TMEM268: variants seen among roughly 807,000 people sequenced by gnomAD.
TMEM268 encodes the protein transmembrane protein C9orf91.
Under a neutral mutation model 39.1 loss-of-function variants are expected in TMEM268, and 24 were observed. The ratio of observed to expected loss-of-function variants is 0.61; its 90% confidence interval spans 0.44 to 0.86. TMEM268 has a LOEUF of 0.86. Among genes scored for constraint, TMEM268 ranks in the 40% least tolerant of loss-of-function variants. The pLI, the probability that TMEM268 is intolerant of heterozygous loss-of-function variation, is 0.00. For synonymous variants in TMEM268, 176 were observed against 173.5 expected (o/e 1.01, Z -0.12); for missense variants, 409 against 428.6 (o/e 0.95, Z 0.40).
chr9:114,613,155 G>A (rs1845570858), intron 1 of TMEM268, among the ~76,000 whole-genome samples: 1 of 152,194 alleles, frequency 6.6e-6, no homozygotes, highest in African/African-American at 2.4e-5. Context: ...GTTACTTTTA[G>A]CTATTACAGG....
intron 8 of TMEM268, among the ~76,000 whole-genome samples, chr9:114,642,603 G>A (rs917598681): frequency 6.6e-6 from 1 of 151,804 alleles, no homozygotes. Context: ...TTTGTGGCTG[G>A]CTAGGTTTAC....
Position 114,644,757 on chromosome 9 carries a change from G to C in TMEM268, c.*1444G>C, listed in dbSNP as rs554389302. ...TTTGGCAAGTTGCTTTCTTTGCCTG[G>C]TCCTCAGTTTGCCCATCAATATAAT... On this transcript the variant is annotated 3_prime_UTR_variant, in exon 9 of 9. Coordinates refer to ENST00000288502, the MANE Select transcript of TMEM268 (RefSeq NM_153045.4). 2 of 151,974 alleles carry C rather than the reference G, an allele frequency of 1.3e-5. No homozygotes were observed. The highest frequency in any genetic ancestry group is 4.2e-4 in the South Asian group (2 of 4,810). The allele number at this position is 151,974 out of a possible 1,614,324, so 9.4% of individuals were successfully genotyped here.
chr9:114,631,123 A>G (rs1025913028), intron 5 of TMEM268, among the ~76,000 whole-genome samples: 3 of 151,962 alleles, frequency 2.0e-5, no homozygotes, highest in Admixed American at 6.6e-5. Context: ...AGACCAGGCT[A>G]GGCAACATTG....
intron 5 of TMEM268, among the ~76,000 whole-genome samples, chr9:114,628,605 AC>A (rs1846261755): frequency 6.6e-6 from 1 of 152,016 alleles, no homozygotes; most frequent in Non-Finnish European, 1.5e-5. Flanking sequence ...TACTGAACCC[AC>A]CCTGCAGCAC....
chr9:114,640,142 G>A (rs1021889654), intron 8 of TMEM268, among the ~76,000 whole-genome samples: 2 of 149,410 alleles, frequency 1.3e-5, no homozygotes, highest in African/African-American at 2.5e-5. Flanking sequence ...AGAAGAGATT[G>A]ATAAGGTTGT....
At chr9:114,629,255 T>C (rs1846289995) in intron 5 of TMEM268, among the ~76,000 whole-genome samples, 1 of 152,266 alleles carries the variant, frequency 6.6e-6, no homozygotes, top group South Asian at 2.1e-4. Context: ...ATATTTGACA[T>C]AGGTCTCACT....
At chr9:114,642,212 A>G (rs1372285611) in intron 8 of TMEM268, among the ~76,000 whole-genome samples, 2 of 151,616 alleles carry the variant, frequency 1.3e-5, no homozygotes, top group Admixed American at 6.6e-5. Context: ...CCCACCCTCA[A>G]CCCCTAGAAA....
Position 114,622,492 on chromosome 9 carries a change from T to C in TMEM268, c.107-1858T>C, listed in dbSNP as rs574175607. ...TTTGTCCAGTTTCTCTACTTGGAAC[T>C]GCAGGCAGGTAGGTTTGGCTTTGTG... On this transcript the variant is annotated intron_variant, in intron 2 of 8. Transcript: ENST00000288502. 215 of 985,290 alleles carry C rather than the reference T, an allele frequency of 2.2e-4. 2 individuals carry two copies. The African/African-American group carries it at 3.6e-3, about 17-fold the overall frequency. 61.0% of individuals were successfully genotyped at this position (985,290 alleles called of 1,614,324 possible). A position where few individuals can be genotyped will look rare whatever the true frequency, so the allele number is the denominator to read the frequency against.
Position 114,617,095 on chromosome 9 carries a change from CT to C in TMEM268, c.-78-17del, listed in dbSNP as rs1475596852. The stretch of plus-strand genomic sequence containing the variant: ...CTTGCCCAGGCTCAGGCCTGAAGTT[CT>C]TTTTTGTGCTGTTTTCTGAAGGCAT... On this transcript the variant is annotated intron_variant, in intron 1 of 8. Coordinates refer to ENST00000288502, the MANE Select transcript of TMEM268 (RefSeq NM_153045.4). The C allele has an allele frequency of 7.6e-6, 6 of 786,442 alleles. No homozygotes were observed. In the East Asian group the frequency reaches 1.4e-4, roughly 18 times the overall value. The allele number at this position is 786,442 out of a possible 1,614,324, so 48.7% of individuals were successfully genotyped here.
chr9:114,637,159 G>A, intron 7 of TMEM268, 89 bp downstream of exon 7: 1 of 856,948 alleles, frequency 1.2e-6, no homozygotes, highest in Non-Finnish European at 1.9e-6. Flanking sequence ...AAATGTCTGA[G>A]AAAAAGTTAC....
At chr9:114,610,192 A>C (rs1364522962), upstream of TMEM268, among the ~76,000 whole-genome samples, 1 of 152,042 alleles carries the variant, frequency 6.6e-6, no homozygotes, top group Non-Finnish European at 1.5e-5. Context: ...GGCATGCGCC[A>C]CCAGGCCCGG....
chr9:114,616,557 G>A (rs1845720912), intron 1 of TMEM268, among the ~76,000 whole-genome samples: 2 of 151,118 alleles, frequency 1.3e-5, no homozygotes, highest in South Asian at 4.2e-4. Flanking sequence ...GTAGAGGTGG[G>A]GTTTCACCAT....
chr9:114,623,474 T>G (rs1358928553), intron 2 of TMEM268, among the ~76,000 whole-genome samples: 1 of 152,212 alleles, frequency 6.6e-6, no homozygotes, highest in Non-Finnish European at 1.5e-5. Context: ...TTCTGTAAGT[T>G]AGATGTCTGA....
chr9:114,618,052 T>A (rs540289398), intron 2 of TMEM268, among the ~76,000 whole-genome samples: 3 of 152,080 alleles, frequency 2.0e-5, no homozygotes, highest in Admixed American at 2.0e-4. Flanking sequence ...AATTTTCGTA[T>A]TTTTAGTAGA....
intron 8 of TMEM268, among the ~76,000 whole-genome samples, chr9:114,641,213 G>C (rs1200674756): frequency 6.6e-6 from 1 of 152,014 alleles, no homozygotes; most frequent in Non-Finnish European, 1.5e-5. Context: ...AACTTAGAGG[G>C]GTCAGTGCCA....
rs1351858695 is a variant in TMEM268 at position 114,643,296 on chromosome 9, C to T, written c.1012C>T (p.Pro338Ser). 1 of 1,614,072 alleles carries T rather than the reference C, an allele frequency of 6.2e-7. No homozygotes were observed. The highest frequency in any genetic ancestry group is 1.1e-5 in the South Asian group (1 of 91,074). ...EAYILGTGCCPFLAR is the reference protein window; with the variant it reads ...EAYILGTGCCSFLAR ...CTACATCCTAGGCACAGGGTGCTGC[C>T]CGTTCCTGGCGAGGTGACCTAGGGA... The change falls in exon 9 of 9, where the codon CCG (proline) becomes TCG (serine). Residue 338 changes from proline (P) to serine (S), a missense_variant. By Grantham distance (74) the Pro-to-Ser change is moderately conservative. Coordinates refer to ENST00000288502, the MANE Select transcript of TMEM268 (RefSeq NM_153045.4).
chr9:114,610,138 C>A (rs1564279808), upstream of TMEM268, among the ~76,000 whole-genome samples: 1 of 151,942 alleles, frequency 6.6e-6, no homozygotes, highest in Non-Finnish European at 1.5e-5. Flanking sequence ...CTCCCGGGTT[C>A]AAGCGATTCT....
chr9:114,612,036 C>T (rs1339032052), intron 1 of TMEM268, among the ~76,000 whole-genome samples: 1 of 152,226 alleles, frequency 6.6e-6, no homozygotes, highest in Non-Finnish European at 1.5e-5. Context: ...AACGTCCTCA[C>T]CTGTAAAATG....
chr9:114,612,852 G>C (rs2133583789), intron 1 of TMEM268, among the ~76,000 whole-genome samples: 1 of 152,342 alleles, frequency 6.6e-6, no homozygotes, highest in East Asian at 1.9e-4. Context: ...CCCTAGCAGG[G>C]AGGGCTGAGT....
Sources: gnomAD v4.1 joint callset for allele counts (sites outside exome capture counted in the v4.1 genomes callset) on GRCh38, gnomAD v4.1.1 for gene constraint, MANE v1.5 for transcripts, NCBI Gene and HGNC (gene_info 2026-07-23, HGNC 2026-07-21) for gene names.